Variants in ITGA9 observed in about 807,000 individuals in gnomAD.
ITGA9 encodes integrin alpha-9.
In ITGA9, 56 loss-of-function variants were observed where a neutral mutation model predicts 127.8. That is an observed-to-expected ratio of 0.44 (90% confidence interval 0.35 to 0.55). The LOEUF (loss-of-function observed/expected upper bound fraction) is 0.55. ITGA9 is among the 20% of genes least tolerant of loss of function. The probability of loss-of-function intolerance (pLI) is 0.00; values close to 1 mark genes in which losing one functional copy is unlikely to be tolerated. For synonymous variants in ITGA9, 508 were observed against 514.5 expected, an observed-to-expected ratio of 0.99 and a Z score of 0.17; for missense variants, 1,196 against 1,347.1, an observed-to-expected ratio of 0.89 and a Z score of 1.76.
chr3:37,572,695 A>G (rs148767542), intron 15 of ITGA9, among the ~76,000 whole-genome samples: 83 of 152,320 alleles, frequency 5.4e-4, no homozygotes, highest in African/African-American at 1.7e-3. Context: ...TATGCTTTTT[A>G]AGGACTACAA....
At chr3:37,718,004 A>G (rs1701152740) in intron 18 of ITGA9, among the ~76,000 whole-genome samples, 1 of 152,174 alleles carries the variant, frequency 6.6e-6, no homozygotes, top group Non-Finnish European at 1.5e-5. Context: ...CAGCACCCCC[A>G]TGCATTCATC....
rs763818977 is a variant in ITGA9, at chr3:37,556,959, G to A, written c.1689+14374G>A. Among the ~76,000 whole-genome samples the A allele has an allele frequency of 7.9e-5, 12 of 152,190 alleles. No homozygotes were observed. In the South Asian group the frequency reaches 1.2e-3, roughly 16 times the overall value. On this transcript the variant is annotated intron_variant, in intron 15 of 27. Transcript: ENST00000264741. The stretch of plus-strand genomic sequence containing the variant: ...GGGGTGCCCCTTATAGGAGGGTGGT[G>A]TGGGCTATAATTTCTTCTGCATTCT...
At chr3:37,453,732 G>C (rs1698227327) in intron 1 of ITGA9, among the ~76,000 whole-genome samples, 1 of 152,156 alleles carries the variant, frequency 6.6e-6, no homozygotes, top group Non-Finnish European at 1.5e-5. Context: ...TCACTGCTCT[G>C]TATTGGACAG....
At chr3:37,719,864 T>C (rs1254958146) in intron 18 of ITGA9, among the ~76,000 whole-genome samples, 1 of 152,182 alleles carries the variant, frequency 6.6e-6, no homozygotes, top group African/African-American at 2.4e-5. Flanking sequence ...GCCGTGTGAA[T>C]AGACAGGTCT....
chr3:37,748,929 C>T, intron 22 of ITGA9: 1 of 722,978 alleles, frequency 1.4e-6, no homozygotes, highest in Non-Finnish European at 2.5e-6. Context: ...TGAAAGACCT[C>T]TGGACTGTTT....
chr3:37,755,377 C>T (rs948415395), intron 23 of ITGA9, among the ~76,000 whole-genome samples: 2 of 152,052 alleles, frequency 1.3e-5, no homozygotes, highest in East Asian at 3.9e-4. Flanking sequence ...GAGTAGACCC[C>T]CAAGAATCAC....
intron 23 of ITGA9, among the ~76,000 whole-genome samples, chr3:37,762,741 G>T (rs1470030405): frequency 1.3e-5 from 2 of 152,190 alleles, no homozygotes; most frequent in African/African-American, 4.8e-5. Flanking sequence ...AAAACATTTT[G>T]ATTTCCTTTA....
chr3:37,547,494 A>G (rs1240030214), intron 15 of ITGA9, among the ~76,000 whole-genome samples: 2 of 152,052 alleles, frequency 1.3e-5, no homozygotes, highest in African/African-American at 2.4e-5. Context: ...CTTCAATCAC[A>G]TTACATGCTG....
In ITGA9 at chr3:37,823,122, G is replaced by A. The variant is rs1017205438; in HGVS notation, c.*4133G>A. ...ATGTCTTCTGAATTTTCAGCACATGGGGGGAATAAGTGAACAAATTTCCCA... is the reference window on the plus strand; with the variant it reads ...ATGTCTTCTGAATTTTCAGCACATGAGGGGAATAAGTGAACAAATTTCCCA... On this transcript the variant is annotated 3_prime_UTR_variant, in exon 28 of 28. Transcript: ENST00000264741. The A allele has an allele frequency of 1.3e-5, 2 of 152,154 alleles. No homozygotes were observed. The highest frequency in any genetic ancestry group is 4.8e-5 in the African/African-American group (2 of 41,428). The allele number at this position is 152,154 out of a possible 1,614,324, so 9.4% of individuals were successfully genotyped here.
chr3:37,463,028 G>C (rs1698332599), intron 1 of ITGA9, among the ~76,000 whole-genome samples: 1 of 152,152 alleles, frequency 6.6e-6, no homozygotes, highest in African/African-American at 2.4e-5. Flanking sequence ...TCCCATCTCA[G>C]GGCCTTCAGT....
intron 7 of ITGA9, among the ~76,000 whole-genome samples, chr3:37,506,825 C>G (rs1187511308): frequency 6.6e-6 from 1 of 152,150 alleles, no homozygotes; most frequent in African/African-American, 2.4e-5. Context: ...ACTGAGTGAA[C>G]AGAGGAATGA....
intron 16 of ITGA9, among the ~76,000 whole-genome samples, chr3:37,643,298 C>A (rs1326447500): frequency 1.3e-5 from 2 of 152,182 alleles, no homozygotes; most frequent in Non-Finnish European, 2.9e-5. Flanking sequence ...CATGTGAAAA[C>A]CATCTAGTTT....
intron 15 of ITGA9, among the ~76,000 whole-genome samples, chr3:37,624,508 A>G (rs2125633071): frequency 6.6e-6 from 1 of 152,218 alleles, no homozygotes; most frequent in African/African-American, 2.4e-5. Flanking sequence ...TGCACCCATC[A>G]GTCCACTGCC....
In ITGA9 at chr3:37,504,849, A is replaced by T. The variant is rs534015835; in HGVS notation, c.743-1151A>T. Among the ~76,000 whole-genome samples the T allele has an allele frequency of 2.0e-5, 3 of 152,270 alleles. No individual in the cohort carries two copies. In the South Asian group the frequency reaches 6.2e-4, roughly 32 times the overall value. On this transcript the variant is annotated intron_variant, in intron 6 of 27. Transcript: ENST00000264741. ...GATCATGATATGATGTCATCGCGAA[A>T]CTCAAACAACTTACAATCACTTTAG... is the stretch of plus-strand genomic sequence containing the variant.
At chr3:37,559,077 C>T (rs945773946) in intron 15 of ITGA9, among the ~76,000 whole-genome samples, 3 of 152,190 alleles carry the variant, frequency 2.0e-5, no homozygotes, top group African/African-American at 7.2e-5. Flanking sequence ...CACTGTCACC[C>T]TGGGAATAGG....
At chr3:37,654,558 C>T (rs1276880200) in intron 17 of ITGA9, among the ~76,000 whole-genome samples, 1 of 152,118 alleles carries the variant, frequency 6.6e-6, no homozygotes, top group Non-Finnish European at 1.5e-5. Context: ...GTTTTATTAC[C>T]ATTTCTGAAA....
chr3:37,462,484 C>G (rs912357444), intron 1 of ITGA9, among the ~76,000 whole-genome samples: 70 of 152,192 alleles, frequency 4.6e-4, no homozygotes, highest in African/African-American at 1.7e-3. Context: ...GCAGAGCAGG[C>G]TACCACTCCC....
intron 23 of ITGA9, among the ~76,000 whole-genome samples, chr3:37,774,855 C>A (rs1357415077): frequency 2.6e-5 from 4 of 152,174 alleles, no homozygotes; most frequent in African/African-American, 7.2e-5. Flanking sequence ...AGGATATAAA[C>A]CTTCACCTTA....
rs550803444 is a variant in ITGA9, at chr3:37,716,297, T to A, written c.2068-16415T>A. On this transcript the variant is annotated intron_variant, in intron 18 of 27. Transcript: ENST00000264741. ...GGAGCTCCATGATGTGGGATTTACA[T>A]CCCGCCCATACTCTGCTGTGAGAGA... Among the ~76,000 whole-genome samples, 85 of 151,874 alleles carry A rather than the reference T, an allele frequency of 5.6e-4. 1 individual carries two copies. Among genetic ancestry groups the A allele is most frequent in the Admixed American group, 2.7e-3 (41 of 15,234 alleles).
Sources: allele counts gnomAD v4.1 joint callset (sites outside exome capture counted in the v4.1 genomes callset), GRCh38; gene constraint gnomAD v4.1.1; transcripts MANE v1.5; gene names NCBI Gene and HGNC (gene_info 2026-07-23, HGNC 2026-07-21).